Variants in DIP2B observed in about 807,000 individuals in gnomAD.
DIP2B encodes the protein DIP2 acetate--CoA ligase B (putative), also known as disco-interacting protein 2 homolog B.
Under a neutral mutation model 198.0 loss-of-function variants are expected in DIP2B, and 76 were observed. The ratio of observed to expected loss-of-function variants is 0.38; its 90% CI spans 0.32 to 0.46. The LOEUF (loss-of-function observed/expected upper bound fraction) is 0.46. Among genes scored for constraint, DIP2B ranks in the 20% least tolerant of loss-of-function variants. DIP2B has a pLI of 0.99. For missense variants in DIP2B, 1,559 were observed against 1,978.4 expected, an observed-to-expected ratio of 0.79 and a Z score of 4.02; for synonymous variants, 701 against 739.1, an observed-to-expected ratio of 0.95 and a Z score of 0.84.
chr12:50,672,713 G>A (rs1938875817), intron 5 of DIP2B, among the ~76,000 whole-genome samples: 1 of 152,066 alleles, frequency 6.6e-6, no homozygotes, highest in African/African-American at 2.4e-5. Flanking sequence ...ATAGGTAAAA[G>A]AAAAGTAAAA....
Position 50,745,132 on chromosome 12 carries a change from T to C in DIP2B, c.*293T>C. ...TTTTCATCTGTTGTACATAGTTGTA[T>C]TTTTATCTAATGCCATTTTAGAATT... On this transcript the variant is annotated 3_prime_UTR_variant, in exon 38 of 38. Transcript: ENST00000301180. 2.8e-6 allele frequency: 1 copy of C among 356,936 alleles called. No homozygotes were observed. Among genetic ancestry groups the C allele is most frequent in the Non-Finnish European group, 5.2e-6 (1 of 191,604 alleles). The allele number at this position is 356,936 out of a possible 1,614,324, so 22.1% of individuals were successfully genotyped here.
chr12:50,635,210 G>A (rs1314082184), intron 2 of DIP2B, among the ~76,000 whole-genome samples: 1 of 152,106 alleles, frequency 6.6e-6, no homozygotes, highest in Non-Finnish European at 1.5e-5. Context: ...TGACGTTTGT[G>A]TGTTTGATTT....
intron 1 of DIP2B, among the ~76,000 whole-genome samples, chr12:50,571,170 C>CTTTT (rs71083599): frequency 7.9e-6 from 1 of 126,912 alleles, no homozygotes; most frequent in African/African-American, 3.0e-5. Flanking sequence ...TTGGCAGCCT[C>CTTTT]TTTTTTTTTT....
chr12:50,585,425 T>C (rs1231735693), intron 1 of DIP2B, among the ~76,000 whole-genome samples: 1 of 152,210 alleles, frequency 6.6e-6, no homozygotes, highest in Non-Finnish European at 1.5e-5. Flanking sequence ...GAGGGGTAGC[T>C]GCTCTTCTAG....
At chr12:50,671,981 TTG>T (rs952255514) in intron 5 of DIP2B, among the ~76,000 whole-genome samples, 6 of 152,158 alleles carry the variant, frequency 3.9e-5, no homozygotes, top group Non-Finnish European at 1.5e-5. Flanking sequence ...GCTTTATGTT[TTG>T]TGTGTGTGTT....
chr12:50,576,981 A>G lies in DIP2B; in HGVS notation c.101-48995A>G, dbSNP rs180851941. 1.8e-3 allele frequency among the ~76,000 whole-genome samples: 279 copies of G among 151,976 alleles called. 2 individuals are homozygous for G. Among genetic ancestry groups the G allele is most frequent in the Non-Finnish European group, 2.2e-3 (148 of 67,992 alleles). ...TAGGTTCAAGTGATTCTCCTGCCTC[A>G]GCCTCCTGAGTAGCTGGGATTACCA... On this transcript the variant is annotated intron_variant, in intron 1 of 37. Transcript: ENST00000301180.
intron 1 of DIP2B, among the ~76,000 whole-genome samples, chr12:50,584,863 CAA>C (rs1394382078): frequency 6.6e-6 from 1 of 152,176 alleles, no homozygotes; most frequent in Non-Finnish European, 1.5e-5. Flanking sequence ...CGCGCCTGGC[CAA>C]AAATGTTTAA....
chr12:50,640,938 C>G (rs2731436), intron 3 of DIP2B, 86 bp downstream of exon 3: 1 of 1,453,446 alleles, frequency 6.9e-7, no homozygotes, highest in Non-Finnish European at 9.1e-7. Context: ...TAATACTTGT[C>G]TTTTTTTTCC....
intron 1 of DIP2B, among the ~76,000 whole-genome samples, chr12:50,519,988 G>T (rs1432118390): frequency 6.8e-6 from 1 of 147,152 alleles, no homozygotes; most frequent in Non-Finnish European, 1.5e-5. Flanking sequence ...ATTCAGTTCA[G>T]ATATGAATAA....
At chr12:50,564,167 T>C (rs1958544121) in intron 1 of DIP2B, among the ~76,000 whole-genome samples, 1 of 152,182 alleles carries the variant, frequency 6.6e-6, no homozygotes, top group Non-Finnish European at 1.5e-5. Flanking sequence ...AATGGTACTG[T>C]ATTCTCTTGG....
Position 50,674,562 on chromosome 12 carries a change from C to T in DIP2B, c.729C>T (p.Pro243=), listed in dbSNP as rs1938911901. 6.2e-7 allele frequency: 1 copy of T among 1,614,224 alleles called. No homozygotes were observed. The highest frequency in any genetic ancestry group is 8.5e-7 in the Non-Finnish European group (1 of 1,180,044). ...TTCGCCCAGCAAACATTGACCTGCC[C>T]CCCTCGGGGATAGTTAAAGGCATGC... ...SSIRPANIDL[P]PSGIVKGMHK... Residue 243 remains proline, a synonymous_variant, in exon 6 of 38, where the codon CCC becomes CCT. Transcript: ENST00000301180.
chr12:50,586,968 G>T (rs1176215763), intron 1 of DIP2B, among the ~76,000 whole-genome samples: 2 of 152,132 alleles, frequency 1.3e-5, no homozygotes, highest in Non-Finnish European at 2.9e-5. Flanking sequence ...CTTTGGGTGG[G>T]TTCTCAAGAC....
chr12:50,721,048 G>T (rs1167912509), intron 25 of DIP2B, among the ~76,000 whole-genome samples: 1 of 152,028 alleles, frequency 6.6e-6, no homozygotes, highest in Non-Finnish European at 1.5e-5. Flanking sequence ...GGCTCAAGCA[G>T]TGCTCCCACC....
At position 50,615,259 on chromosome 12, in the gene DIP2B, G is replaced by A. The variant is rs927855939; in HGVS notation, c.101-10717G>A. Among the ~76,000 whole-genome samples the A allele has an allele frequency of 5.9e-5, 9 of 151,966 alleles. No individual in the cohort carries two copies. The South Asian group carries it at 1.0e-3, about 18-fold the overall frequency. Reference sequence around the variant, plus strand: ...ATTACTTTTCCGCACCCCCTCCCCCGCCATTTCTTTTTTTTTCTAGAAGTT... The same window carrying A: ...ATTACTTTTCCGCACCCCCTCCCCCACCATTTCTTTTTTTTTCTAGAAGTT... On this transcript the variant is annotated intron_variant, in intron 1 of 37. Transcript: ENST00000301180.
intron 2 of DIP2B, among the ~76,000 whole-genome samples, chr12:50,631,073 C>A (rs930179421): frequency 6.6e-6 from 1 of 152,060 alleles, no homozygotes; most frequent in African/African-American, 2.4e-5. Context: ...CTATCCATTT[C>A]TTTACTATTC....
At chr12:50,560,611 C>T (rs1004473359) in intron 1 of DIP2B, among the ~76,000 whole-genome samples, 1 of 151,628 alleles carries the variant, frequency 6.6e-6, no homozygotes, top group African/African-American at 2.4e-5. Context: ...ATCAGCCAAG[C>T]GTGGTGGTGC....
intron 1 of DIP2B, among the ~76,000 whole-genome samples, chr12:50,568,508 T>A (rs1218277942): frequency 6.6e-6 from 1 of 152,172 alleles, no homozygotes; most frequent in Non-Finnish European, 1.5e-5. Flanking sequence ...TGTCAGCATT[T>A]TTAGTGTGTG....
intron 2 of DIP2B, among the ~76,000 whole-genome samples, chr12:50,635,118 TAAC>T (rs555619407): frequency 5.7e-4 from 87 of 152,368 alleles, no homozygotes; most frequent in African/African-American, 2.0e-3. Context: ...ACAAGATTTA[TAAC>T]AACAGAAATG....
chr12:50,620,495 G>T (rs1260905351), intron 1 of DIP2B, among the ~76,000 whole-genome samples: 1 of 152,106 alleles, frequency 6.6e-6, no homozygotes. Flanking sequence ...GACTCGCCAC[G>T]ACCATTCTCT....
Sources: gnomAD v4.1 joint callset for allele counts (sites outside exome capture counted in the v4.1 genomes callset) on GRCh38, gnomAD v4.1.1 for gene constraint, MANE v1.5 for transcripts, NCBI Gene and HGNC (gene_info 2026-07-23, HGNC 2026-07-21) for gene names.